UBXN8: variants seen among roughly 807,000 people sequenced by gnomAD.
UBXN8 encodes UBX domain protein 8.
In UBXN8, 27 loss-of-function variants were observed where a neutral mutation model predicts 32.1. The ratio of observed to expected loss-of-function variants is 0.84; its 90% confidence interval spans 0.62 to 1.16. UBXN8 has a LOEUF of 1.16. UBXN8 is among the 50% of genes most tolerant of loss of function. UBXN8 has a pLI of 0.00. For missense variants in UBXN8, 306 were observed against 311.4 expected, an observed-to-expected ratio of 0.98 and a Z score of 0.13; for synonymous variants, 109 against 111.8, an observed-to-expected ratio of 0.98 and a Z score of 0.16.
intron 3 of UBXN8, chr8:30,754,431 C>G (rs1239863394): frequency 1.6e-6 from 1 of 609,580 alleles, no homozygotes; most frequent in Non-Finnish European, 3.1e-6. Context: ...AGCATGAAAA[C>G]CACAACCTGG....
At position 30,764,487 on chromosome 8, in the gene UBXN8, A is replaced by G. The variant is rs77322746; in HGVS notation, c.645+1140A>G. On this transcript the variant is annotated intron_variant, in intron 7 of 7. Coordinates refer to ENST00000265616, the MANE Select transcript of UBXN8 (RefSeq NM_005671.4). ...GACCAGCCCATTTTACTATTTATGT[A>G]TGATAGTTATTTTTTATAAGGAACT... is the stretch of plus-strand genomic sequence containing the variant. Among the ~76,000 whole-genome samples, 1,135 of 152,308 alleles carry G rather than the reference A, an allele frequency of 7.5e-3. 18 individuals carry two copies. The highest frequency in any genetic ancestry group is 0.025 in the African/African-American group (1,059 of 41,564).
At chr8:30,745,548 C>G (rs999197387) in intron 1 of UBXN8, among the ~76,000 whole-genome samples, 5 of 152,054 alleles carry the variant, frequency 3.3e-5, no homozygotes, top group Non-Finnish European at 1.5e-5. Context: ...AGTCAGATGC[C>G]TAGAAATGTT....
At chr8:30,754,848 T>G in intron 4 of UBXN8, 61 bp downstream of exon 4, 1 of 1,513,912 alleles carries the variant, frequency 6.6e-7, no homozygotes, top group Non-Finnish European at 8.7e-7. Context: ...ATTACATGAT[T>G]GATTTTTAAT....
At chr8:30,763,422 A>T in intron 7 of UBXN8, 75 bp downstream of exon 7, 2 of 1,403,972 alleles carry the variant, frequency 1.4e-6, no homozygotes, top group South Asian at 2.3e-5. Flanking sequence ...GCCGTGGGGG[A>T]AGGTGTGATC....
upstream of UBXN8, among the ~76,000 whole-genome samples, chr8:30,729,410 C>T (rs1422479017): frequency 6.6e-6 from 1 of 152,318 alleles, no homozygotes; most frequent in African/African-American, 2.4e-5. Flanking sequence ...TCACCCACGG[C>T]GTGCCTGTAC....
chr8:30,754,822 T>C (rs1563562670), intron 4 of UBXN8, 35 bp downstream of exon 4: 2 of 1,543,590 alleles, frequency 1.3e-6, no homozygotes, highest in African/African-American at 1.4e-5. Flanking sequence ...TTTTGAATCC[T>C]CTTACTATGT....
At chr8:30,759,765 G>C (rs915727099) in intron 5 of UBXN8, among the ~76,000 whole-genome samples, 1 of 150,808 alleles carries the variant, frequency 6.6e-6, no homozygotes, top group Non-Finnish European at 1.5e-5. Context: ...GACCATCTTG[G>C]CTAACACGGG....
intron 2 of UBXN8, among the ~76,000 whole-genome samples, chr8:30,752,633 A>C (rs1805545778): frequency 6.6e-6 from 1 of 152,116 alleles, no homozygotes; most frequent in Non-Finnish European, 1.5e-5. Flanking sequence ...GATAAGCAAA[A>C]GTTTGTGAGT....
chr8:30,766,872 G>C lies in UBXN8; in HGVS notation c.*478G>C, dbSNP rs970142787. 6.6e-6 allele frequency: 1 copy of C among 152,186 alleles called. No homozygotes were observed. The highest frequency in any genetic ancestry group is 2.4e-5 in the African/African-American group (1 of 41,426). The allele number at this position is 152,186 out of a possible 1,614,324, so 9.4% of individuals were successfully genotyped here. On this transcript the variant is annotated 3_prime_UTR_variant, in exon 8 of 8. Coordinates refer to ENST00000265616, the MANE Select transcript of UBXN8 (RefSeq NM_005671.4). ...CTTTAAAGTTCTTTCTGTTGGGTGT[G>C]CATTACAGTTTACTTAACTGATGTT...
chr8:30,751,518 G>C lies in UBXN8; in HGVS notation c.211G>C (p.Glu71Gln). 6.3e-7 allele frequency: 1 copy of C among 1,595,218 alleles called. No individual in the cohort carries two copies. The change falls in exon 2 of 8, where the codon GAA (glutamate) becomes CAA (glutamine). Residue 71 changes from glutamate to glutamine, a missense_variant and splice_region_variant. Transcript: ENST00000265616. ...TAAATCTCCCCAAGTTTATCTGAAG[G>C]GTAAGTTTATTATTTATTCTACCCT... is the stretch of plus-strand genomic sequence containing the variant. ...SFKSPQVYLKEEEEKNEKRQK... is the reference protein window; with the variant it reads ...SFKSPQVYLKQEEEKNEKRQK...
At chr8:30,739,953 G>A (rs1423090556), upstream of UBXN8, among the ~76,000 whole-genome samples, 2 of 152,160 alleles carry the variant, frequency 1.3e-5, no homozygotes, top group Non-Finnish European at 2.9e-5. Context: ...CCAGGCTGGA[G>A]TGCAGTGTCA....
At chr8:30,763,106 A>C in intron 6 of UBXN8, 167 bp from the exon 7 acceptor site, 1 of 630,916 alleles carries the variant, frequency 1.6e-6, no homozygotes. Flanking sequence ...TCAGCCTCCC[A>C]AAGTCCTGGG....
chr8:30,753,228 A>G, intron 3 of UBXN8, 123 bp downstream of exon 3: 1 of 1,268,932 alleles, frequency 7.9e-7, no homozygotes, highest in Non-Finnish European at 1.0e-6. Context: ...AATGAGGTCA[A>G]ATTCACGTGA....
intron 1 of UBXN8, chr8:30,744,592 A>C (rs1432124053): frequency 1.1e-5 from 5 of 472,182 alleles, no homozygotes; most frequent in Non-Finnish European, 1.9e-5. Context: ...GTGAGAATTT[A>C]GGCTGAGAAG....
chr8:30,763,053 C>T (rs1422310053), intron 6 of UBXN8: 16 of 513,386 alleles, frequency 3.1e-5, no homozygotes, highest in South Asian at 1.4e-4. Flanking sequence ...TTTTTTATGG[C>T]GGGGGGTGTC....
intron 1 of UBXN8, among the ~76,000 whole-genome samples, chr8:30,748,701 T>A (rs1314494497): frequency 6.6e-6 from 1 of 152,080 alleles, no homozygotes; most frequent in South Asian, 2.1e-4. Flanking sequence ...CCATCATGCC[T>A]GGCTAATTTT....
rs374138926 is a variant in UBXN8, at chr8:30,757,942, AGT to A, written c.528+1057_528+1058del. ...CACTCTGTCGCCCAGACTGGAATAC[AGT>A]GGTGAAATCTCAGCTCACTGCAGGC... On this transcript the variant is annotated intron_variant, in intron 5 of 7. Transcript: ENST00000265616. Among the ~76,000 whole-genome samples the A allele has an allele frequency of 2.0e-3, 305 of 151,594 alleles. 2 individuals are homozygous for A. The highest frequency in any genetic ancestry group is 6.5e-3 in the African/African-American group (268 of 41,378).
At chr8:30,732,524 T>G (rs1804987246), upstream of UBXN8, 1 of 331,152 alleles carries the variant, frequency 3.0e-6, no homozygotes, top group Non-Finnish European at 5.4e-6. Context: ...TCCCAAACTT[T>G]GCAGTATTAG....
chr8:30,758,246 A>G (rs1805716407), intron 5 of UBXN8, among the ~76,000 whole-genome samples: 1 of 152,260 alleles, frequency 6.6e-6, no homozygotes, highest in Admixed American at 6.5e-5. Flanking sequence ...AATGAAAAAT[A>G]TAATGCTTAC....
Sources: allele counts gnomAD v4.1 joint callset (sites outside exome capture counted in the v4.1 genomes callset), GRCh38; gene constraint gnomAD v4.1.1; transcripts MANE v1.5; gene names NCBI Gene and HGNC (gene_info 2026-07-23, HGNC 2026-07-21).